SAMMSON: variants seen among roughly 807,000 people sequenced by gnomAD.
SAMMSON encodes survival associated mitochondrial melanoma specific oncogenic non-coding RNA.
chr3:70,089,296 C>A (rs1372139580), intron 4 of SAMMSON, among the ~76,000 whole-genome samples: 1 of 152,090 alleles, frequency 6.6e-6, no homozygotes, highest in African/African-American at 2.4e-5. Flanking sequence ...AATGAATGTA[C>A]ACTATGAGTA....
chr3:70,394,193 A>G (rs1389254928), downstream of SAMMSON, among the ~76,000 whole-genome samples: 1 of 152,176 alleles, frequency 6.6e-6, no homozygotes, highest in Non-Finnish European at 1.5e-5. Flanking sequence ...AGGTTTTGCT[A>G]CCGATAGAAG....
intron 4 of SAMMSON, among the ~76,000 whole-genome samples, chr3:70,227,203 TAGAA>T (rs1701516371): frequency 6.6e-6 from 1 of 152,178 alleles, no homozygotes; most frequent in African/African-American, 2.4e-5. Flanking sequence ...GAGGATGAAT[TAGAA>T]AGGAAATAGA....
At chr3:70,016,653 T>C (rs2066987189) in intron 3 of SAMMSON, among the ~76,000 whole-genome samples, 1 of 152,198 alleles carries the variant, frequency 6.6e-6, no homozygotes, top group Admixed American at 6.5e-5. Flanking sequence ...AGACATGAAG[T>C]CCTTGCCCAT....
At chr3:70,071,730 T>C (rs1460009707) in intron 4 of SAMMSON, 2 of 152,080 alleles carry the variant, frequency 1.3e-5, no homozygotes, top group Non-Finnish European at 2.9e-5. Flanking sequence ...TAAACAAAGA[T>C]ATGTCATCAT....
At chr3:70,261,671 T>C (rs999739203) in intron 6 of SAMMSON, among the ~76,000 whole-genome samples, 8 of 152,178 alleles carry the variant, frequency 5.3e-5, no homozygotes, top group Non-Finnish European at 1.2e-4. Context: ...ACTGGCCTTA[T>C]TTTGTTGAAA....
chr3:70,289,013 A>T (rs989685773), intron 6 of SAMMSON, among the ~76,000 whole-genome samples: 2 of 152,084 alleles, frequency 1.3e-5, no homozygotes, highest in African/African-American at 4.8e-5. Flanking sequence ...ATCTTTATCC[A>T]GTTTGCCAGT....
intron 1 of SAMMSON, among the ~76,000 whole-genome samples, chr3:70,004,066 T>G (rs1374503953): frequency 1.3e-5 from 2 of 152,074 alleles, no homozygotes; most frequent in African/African-American, 4.8e-5. Context: ...AGAGGCTGAA[T>G]TTTTCATATA....
intron 2 of SAMMSON, among the ~76,000 whole-genome samples, chr3:70,432,493 T>C (rs1251503432): frequency 6.6e-6 from 1 of 151,984 alleles, no homozygotes; most frequent in African/African-American, 2.4e-5. Flanking sequence ...TAATAAACTA[T>C]ATTTTCATAG....
intron 7 of SAMMSON, among the ~76,000 whole-genome samples, chr3:70,303,206 C>T (rs1249589063): frequency 6.6e-6 from 1 of 152,038 alleles, no homozygotes; most frequent in Admixed American, 6.6e-5. Context: ...TATGTTGGGG[C>T]CACACAGCAT....
chr3:70,169,026 C>A (rs1226981434), intron 4 of SAMMSON, among the ~76,000 whole-genome samples: 1 of 151,844 alleles, frequency 6.6e-6, no homozygotes, highest in Non-Finnish European at 1.5e-5. Flanking sequence ...TGGCCCCTGT[C>A]CAGAAGGAGT....
intron 4 of SAMMSON, chr3:70,183,229 T>C (rs1159464546): frequency 4.6e-5 from 7 of 152,190 alleles, no homozygotes; most frequent in Non-Finnish European, 1.0e-4. Flanking sequence ...CCCAAAGAGA[T>C]GATTATGAAT....
At chr3:70,105,595 T>C (rs2067364168) in intron 4 of SAMMSON, among the ~76,000 whole-genome samples, 1 of 152,162 alleles carries the variant, frequency 6.6e-6, no homozygotes, top group Non-Finnish European at 1.5e-5. Context: ...AGCACAAAAC[T>C]TCCTTATGCA....
chr3:70,028,082 T>C (rs2067048593), intron 3 of SAMMSON, among the ~76,000 whole-genome samples: 1 of 150,304 alleles, frequency 6.7e-6, no homozygotes, highest in Non-Finnish European at 1.5e-5. Flanking sequence ...CCTGCCTTCC[T>C]TCTTTCCTTC....
At chr3:70,052,965 T>C (rs1395830324) in intron 3 of SAMMSON, among the ~76,000 whole-genome samples, 1 of 152,158 alleles carries the variant, frequency 6.6e-6, no homozygotes, top group African/African-American at 2.4e-5. Context: ...CATCTTGACT[T>C]GTGTTTCTTG....
intron 4 of SAMMSON, among the ~76,000 whole-genome samples, chr3:70,167,157 C>A (rs752063778): frequency 6.6e-6 from 1 of 151,952 alleles, no homozygotes; most frequent in Non-Finnish European, 1.5e-5. Context: ...CCAATGTGTA[C>A]TGTACACGTT....
intron 4 of SAMMSON, among the ~76,000 whole-genome samples, chr3:70,107,483 A>G (rs1029109333): frequency 1.1e-4 from 17 of 152,304 alleles, no homozygotes; most frequent in African/African-American, 4.1e-4. Flanking sequence ...TTGGGATTAT[A>G]ACAGGAATGA....
chr3:70,012,463 AG>A (rs1354066546), exon 2 of SAMMSON: 1 of 152,152 alleles, frequency 6.6e-6, no homozygotes, highest in African/African-American at 2.4e-5. Context: ...TTAAAGATGA[AG>A]GAAGGGGCGA....
rs796314290 is a variant in SAMMSON, at chr3:70,337,046, ATAT to A, written n.740-17117_740-17115del. Among the ~76,000 whole-genome samples the A allele has an allele frequency of 9.2e-3, 736 of 80,406 alleles. 14 individuals carry two copies. The highest frequency in any genetic ancestry group is 0.013 in the South Asian group (36 of 2,686). The allele number at this position is 80,406 out of a possible 152,430, so 52.7% of individuals were successfully genotyped here. A position where few individuals can be genotyped will look rare whatever the true frequency, so the allele number is the denominator to read the frequency against. ...ATTATTAATAATAATATCTAACTTA[ATAT>A]TATTATTATTAATAATAATATCTAA... is the stretch of plus-strand genomic sequence containing the variant. On this transcript the variant is annotated intron_variant and non_coding_transcript_variant, in intron 7 of 9. Transcript: ENST00000642114.
intron 4 of SAMMSON, among the ~76,000 whole-genome samples, chr3:70,230,679 A>C (rs975841341): frequency 6.6e-6 from 1 of 152,172 alleles, no homozygotes; most frequent in Admixed American, 6.5e-5. Flanking sequence ...TTGATAATCA[A>C]TTCTAGGTTT....
Sources: gnomAD v4.1 joint callset for allele counts (sites outside exome capture counted in the v4.1 genomes callset) on GRCh38, gnomAD v4.1.1 for gene constraint, MANE v1.5 for transcripts, NCBI Gene and HGNC (gene_info 2026-07-23, HGNC 2026-07-21) for gene names.